DBP: variants seen among roughly 807,000 people sequenced by gnomAD.
The protein encoded by DBP is D-box binding PAR bZIP transcription factor, also known as D site-binding protein.
Under a neutral mutation model 21.4 loss-of-function variants are expected in DBP, and 12 were observed. The observed-to-expected ratio is 0.56, with a 90% CI of 0.36 to 0.91. DBP has a LOEUF of 0.91. Ranked by LOEUF, DBP falls within the 40% of genes least tolerant of loss-of-function variation. The pLI is 0.01. For missense variants in DBP, 423 were observed against 473.4 expected, an observed-to-expected ratio of 0.89 and a Z score of 0.99; for synonymous variants, 213 against 224.9, an observed-to-expected ratio of 0.95 and a Z score of 0.47.
chr19:48,630,862 T>C lies in DBP; in HGVS notation c.953A>G (p.Tyr318Cys). The C allele has an allele frequency of 6.2e-7, 1 of 1,604,270 alleles. No homozygotes were observed. Among genetic ancestry groups the C allele is most frequent in the Non-Finnish European group, 8.5e-7 (1 of 1,175,828 alleles). ...LSHYRAVLSR[Y>C]QAQHGAL ...TCACAGGGCCCCGTGCTGGGCCTGG[T>C]ATCGGGACAGCACGGCGCGGTAGTG... is the stretch of plus-strand genomic sequence containing the variant. Residue 318 changes from tyrosine to cysteine, a missense_variant, in exon 4 of 4, where the codon TAC becomes TGC. By Grantham distance (194) the Tyr-to-Cys change is radical. Transcript: ENST00000222122. The surrounding 1 kb of genome is among the most constrained non-coding windows in gnomAD (Gnocchi z 4.9).
In DBP at chr19:48,636,962, G is replaced by A. The variant is rs1286355060; in HGVS notation, c.33C>T (p.Ala11=). The A allele has an allele frequency of 6.5e-7, 1 of 1,540,826 alleles. No individual in the cohort carries two copies. Among genetic ancestry groups the A allele is most frequent in the East Asian group, 2.4e-5 (1 of 42,510 alleles). Reference sequence around the variant, plus strand: ...CGGCCGGGCCGCCCAGCAGCAGAGGGGCCGGGGTCCTGTCGCTCACAGGCC... The same window carrying A: ...CGGCCGGGCCGCCCAGCAGCAGAGGAGCCGGGGTCCTGTCGCTCACAGGCC... MARPVSDRTP[A]PLLLGGPAGT... is the part of the protein sequence containing the mutation. The change falls in exon 1 of 4, where the codon GCC becomes GCT. Residue 11 remains alanine, a synonymous_variant. Coordinates refer to ENST00000222122, the MANE Select transcript of DBP (RefSeq NM_001352.5).
Position 48,635,897 on chromosome 19 carries a change from G to T in DBP, c.233C>A (p.Ala78Asp), listed in dbSNP as rs1181746898. The change falls in exon 2 of 4, where the codon GCT becomes GAT. Residue 78 changes from alanine (A) to aspartate (D), a missense_variant. Physicochemically the swap from Ala to Asp is moderately radical, Grantham distance 126. This residue lies in a region of DBP where 283 missense variants were observed against 273.7 expected (regional missense o/e 1.03). Transcript: ENST00000222122. ...LETAGPADAP[A>D]GAVVGGGSPR... ...GGACCCTCCGCCCACCACTGCCCCA[G>T]CCGGGGCATCCGCCGGGCCCGCAGT... The T allele has an allele frequency of 2.1e-6, 3 of 1,421,094 alleles. No individual in the cohort carries two copies. Among genetic ancestry groups the T allele is most frequent in the Non-Finnish European group, 2.7e-6 (3 of 1,098,034 alleles). 88.0% of individuals were successfully genotyped at this position (1,421,094 alleles called of 1,614,324 possible). A position where few individuals can be genotyped will look rare whatever the true frequency, so the allele number is the denominator to read the frequency against.
intron 2 of DBP, chr19:48,635,360 A>G: frequency 7.4e-7 from 1 of 1,358,778 alleles, no homozygotes; most frequent in Non-Finnish European, 9.5e-7. Flanking sequence ...GGCTTCCTGG[A>G]ATTTAGGGTT....
chr19:48,630,310 C>G lies in DBP; in HGVS notation c.*527G>C. 4.6e-6 allele frequency: 6 copies of G among 1,292,770 alleles called. No homozygotes were observed. The highest frequency in any genetic ancestry group is 5.9e-6 in the Non-Finnish European group (6 of 1,021,140). The allele number at this position is 1,292,770 out of a possible 1,614,324, so 80.1% of individuals were successfully genotyped here. Reference sequence around the variant, plus strand: ...CCCCGCGGGTGGGGGCGGGGAAATTCATATCCCCTGTTCGTCTCATGCGCG... The same window carrying G: ...CCCCGCGGGTGGGGGCGGGGAAATTGATATCCCCTGTTCGTCTCATGCGCG... On this transcript the variant is annotated 3_prime_UTR_variant, in exon 4 of 4. Transcript: ENST00000222122. This position sits in a 1 kb window ranked among gnomAD's most constrained non-coding sequence, Gnocchi z 4.9.
chr19:48,633,361 G>A, intron 3 of DBP, 83 bp downstream of exon 3: 1 of 1,406,876 alleles, frequency 7.1e-7, no homozygotes, highest in Non-Finnish European at 1.0e-6. Flanking sequence ...GAGAAGCCCA[G>A]GCTTGACTGT....
intron 1 of DBP, 80 bp from the exon 2 acceptor site, chr19:48,636,070 G>A (rs2030782070): frequency 7.4e-7 from 1 of 1,345,852 alleles, no homozygotes; most frequent in Middle Eastern, 2.7e-4. Flanking sequence ...AGTCCGAGAG[G>A]CACAGGGCGG....
chr19:48,633,703 G>C, intron 2 of DBP, 48 bp from the exon 3 acceptor site: 1 of 1,524,718 alleles, frequency 6.6e-7, no homozygotes, highest in South Asian at 1.1e-5. Context: ...TAAGGAGGGG[G>C]TTTCCTGAAG....
In DBP at chr19:48,630,656, C is replaced by T. The variant is rs1200470200; in HGVS notation, c.*181G>A. On this transcript the variant is annotated 3_prime_UTR_variant, in exon 4 of 4. Coordinates refer to ENST00000222122, the MANE Select transcript of DBP (RefSeq NM_001352.5). The surrounding 1 kb of genome is among the most constrained non-coding windows in gnomAD (Gnocchi z 4.9). ...GGGGACACACACAGAGAACCCTCCC[C>T]GCCCCCGCAAGGGAGGGGGGAGGCT... is the stretch of plus-strand genomic sequence containing the variant. 6.8e-7 allele frequency: 1 copy of T among 1,461,564 alleles called. No individual in the cohort carries two copies. Among genetic ancestry groups the T allele is most frequent in the Admixed American group, 2.6e-5 (1 of 38,810 alleles). The allele number at this position is 1,461,564 out of a possible 1,614,324, so 90.5% of individuals were successfully genotyped here. A position where few individuals can be genotyped will look rare whatever the true frequency, so the allele number is the denominator to read the frequency against.
chr19:48,634,433 G>A (rs1359495473), intron 2 of DBP: 2 of 152,468 alleles, frequency 1.3e-5, no homozygotes, highest in African/African-American at 2.4e-5. Flanking sequence ...TAGAGTCTAA[G>A]AGCTACTCGC....
intron 2 of DBP, chr19:48,635,362 T>G: frequency 7.3e-7 from 1 of 1,362,272 alleles, no homozygotes; most frequent in Non-Finnish European, 9.5e-7. Flanking sequence ...CTTCCTGGAA[T>G]TTAGGGTTCC....
chr19:48,636,498 C>T (rs1247752297), intron 1 of DBP, among the ~76,000 whole-genome samples: 1 of 152,050 alleles, frequency 6.6e-6, no homozygotes, highest in Non-Finnish European at 1.5e-5. Context: ...GACGCCCCGC[C>T]CAAGCCCGTG....
chr19:48,637,181 G>A lies in DBP; in HGVS notation c.-187C>T. ...ACGGGGATTTGAGGTCCTCGGTGCA[G>A]AAACGTGCAACTCAAGAGGGTCCCG... On this transcript the variant is annotated 5_prime_UTR_variant, in exon 1 of 4. Coordinates refer to ENST00000222122, the MANE Select transcript of DBP (RefSeq NM_001352.5). 1 of 517,694 alleles carries A rather than the reference G, an allele frequency of 1.9e-6. No homozygotes were observed. The highest frequency in any genetic ancestry group is 5.0e-4 in the Middle Eastern group (1 of 1,988). The allele number at this position is 517,694 out of a possible 1,614,324, so 32.1% of individuals were successfully genotyped here. A position where few individuals can be genotyped will look rare whatever the true frequency, so the allele number is the denominator to read the frequency against.
intron 2 of DBP, chr19:48,634,564 G>T (rs1191992599): frequency 2.3e-5 from 10 of 438,984 alleles, no homozygotes; most frequent in Non-Finnish European, 3.0e-5. Flanking sequence ...GCCGAGTCAC[G>T]TGCTGACGCC....
chr19:48,633,278 C>A (rs888113078), intron 3 of DBP, 166 bp downstream of exon 3: 15 of 735,164 alleles, frequency 2.0e-5, no homozygotes, highest in Non-Finnish European at 3.3e-5. Flanking sequence ...AGGCCCCTGC[C>A]CCCTTGTGCC....
chr19:48,631,106 G>A (rs2030566337), intron 3 of DBP, 54 bp from the exon 4 acceptor site: 11 of 1,517,588 alleles, frequency 7.2e-6, no homozygotes, highest in East Asian at 2.3e-5. Context: ...AGGTCCCAGC[G>A]AGAGAGGAAG....
chr19:48,636,287 G>GA (rs2030794364), intron 1 of DBP, among the ~76,000 whole-genome samples: 1 of 152,108 alleles, frequency 6.6e-6, no homozygotes, highest in Non-Finnish European at 1.5e-5. Flanking sequence ...CGGAAGTTCA[G>GA]GAATAGGGGG....
Position 48,636,868 on chromosome 19 carries a change from C to A in DBP, c.127G>T (p.Glu43Ter). 1.2e-6 allele frequency: 2 copies of A among 1,610,650 alleles called. No homozygotes were observed. The highest frequency in any genetic ancestry group is 1.7e-6 in the Non-Finnish European group (2 of 1,178,796). ...GGTTAGAACTCACAGCTGGCCGGCT[C>A]TTTGGGCTTGCTGGTCCCCTGCAGA... ...SLLQGTSKPK[E>*]PASCLLKEKE... The change falls in exon 1 of 4, where the codon GAG (glutamate) becomes TAG (stop). Residue 43 changes from glutamate (E) to a stop codon, truncating the protein, a stop_gained. Coordinates refer to ENST00000222122, the MANE Select transcript of DBP (RefSeq NM_001352.5). LOFTEE classifies it high-confidence loss of function.
Position 48,636,878 on chromosome 19 carries a change from G to T in DBP, c.117C>A (p.Ser39Arg). The change falls in exon 1 of 4, where the codon AGC becomes AGA. Residue 39 changes from serine (S) to arginine (R), a missense_variant. This residue lies in a region of DBP where 283 missense variants were observed against 273.7 expected (regional missense o/e 1.03). Transcript: ENST00000222122. ...LGLRSLLQGT[S>R]KPKEPASCLL... ...CACAGCTGGCCGGCTCTTTGGGCTT[G>T]CTGGTCCCCTGCAGAAGGCTCCGCA... 1 of 1,609,578 alleles carries T rather than the reference G, an allele frequency of 6.2e-7. No individual in the cohort carries two copies. The highest frequency in any genetic ancestry group is 8.5e-7 in the Non-Finnish European group (1 of 1,178,384).
In DBP at chr19:48,635,704, C is replaced by T. The variant is rs2030763150; in HGVS notation, c.426G>A (p.Pro142=). The T allele has an allele frequency of 3.8e-6, 5 of 1,325,204 alleles. No individual in the cohort carries two copies. The East Asian group carries it at 1.6e-4, about 41-fold the overall frequency. 82.1% of individuals were successfully genotyped at this position (1,325,204 alleles called of 1,614,324 possible). The part of the protein sequence containing the change: ...PPPPGGPSPE[P]SPARTPAPSP... ...AGGGTGCGGGCGTCCGCGCGGGCGA[C>T]GGCTCCGGCGACGGGCCACCGGGGG... Residue 142 remains proline (P), a synonymous_variant, in exon 2 of 4, where the codon CCG becomes CCA. Coordinates refer to ENST00000222122, the MANE Select transcript of DBP (RefSeq NM_001352.5).
Sources: gnomAD v4.1 joint callset for allele counts (sites outside exome capture counted in the v4.1 genomes callset) on GRCh38, gnomAD v4.1.1 for gene constraint, gnomAD v4.1.1 regional missense constraint, Gnocchi (gnomAD v3.1) non-coding constraint, MANE v1.5 for transcripts, NCBI Gene and HGNC (gene_info 2026-07-23, HGNC 2026-07-21) for gene names.